CPNE7: variants seen among roughly 807,000 people sequenced by gnomAD.
CPNE7 encodes copine-7.
In CPNE7, 78 loss-of-function variants were observed where a neutral mutation model predicts 66.5. That is an observed-to-expected ratio of 1.17 (90% CI 0.98 to 1.42). CPNE7 has a LOEUF of 1.42. CPNE7 is among the 40% of genes most tolerant of loss of function. CPNE7 has a pLI of 0.00. For missense variants in CPNE7, 1,012 were observed against 776.6 expected (o/e 1.30, Z -3.60); for synonymous variants, 468 against 336.7 (o/e 1.39, Z -4.27).
In CPNE7 at chr16:89,591,108, C is replaced by A. The variant is rs370866971; in HGVS notation, c.1169-19C>A. The A allele has an allele frequency of 2.8e-4, 450 of 1,612,846 alleles. No homozygotes were observed. Among genetic ancestry groups the A allele is most frequent in the Non-Finnish European group, 3.7e-4 (442 of 1,179,746 alleles). On this transcript the variant is annotated intron_variant, in intron 12 of 14. Transcript: ENST00000319518. ...GAGGGGAGTGCAGGGGGGCCGGGCTCACCCCCTGCCCCCCACAGGCATCCA... is the reference window on the plus strand; with the variant it reads ...GAGGGGAGTGCAGGGGGGCCGGGCTAACCCCCTGCCCCCCACAGGCATCCA...
At chr16:89,583,474 T>C in intron 2 of CPNE7, 1 of 1,551,610 alleles carries the variant, frequency 6.4e-7, no homozygotes, top group Non-Finnish European at 8.7e-7. Flanking sequence ...CCTGGGCGAC[T>C]GCTGGCGCCG....
chr16:89,581,120 T>C (rs1212898047), intron 2 of CPNE7, among the ~76,000 whole-genome samples: 2 of 130,002 alleles, frequency 1.5e-5, no homozygotes, highest in African/African-American at 6.1e-5. Flanking sequence ...ATCTCACCAA[T>C]CACACAGAAC....
intron 2 of CPNE7, among the ~76,000 whole-genome samples, chr16:89,578,285 G>C (rs999973783): frequency 6.6e-6 from 1 of 151,606 alleles, no homozygotes; most frequent in Non-Finnish European, 1.5e-5. Flanking sequence ...GGCTGCTCTT[G>C]AAATCCTGAC....
intron 13 of CPNE7, among the ~76,000 whole-genome samples, chr16:89,592,218 G>A (rs1366508924): frequency 2.0e-5 from 3 of 146,658 alleles, no homozygotes; most frequent in African/African-American, 7.6e-5. Context: ...GTTTCACCGT[G>A]TTAGCGAGGA....
At chr16:89,577,807 G>T (rs1198872306) in intron 2 of CPNE7, 86 bp downstream of exon 2, 1 of 1,427,222 alleles carries the variant, frequency 7.0e-7, no homozygotes, top group Non-Finnish European at 9.4e-7. Flanking sequence ...GCACCGCAGG[G>T]ACCCTGCTGG....
At chr16:89,591,920 CA>C (rs1487739714) in intron 13 of CPNE7, among the ~76,000 whole-genome samples, 2 of 151,834 alleles carry the variant, frequency 1.3e-5, no homozygotes, top group African/African-American at 4.9e-5. Context: ...AAGCTGGTCT[CA>C]AACTCCTGAC....
chr16:89,585,691 T>C lies in CPNE7; in HGVS notation c.686T>C (p.Leu229Pro). The change falls in exon 7 of 15, where the codon CTG becomes CCG. Residue 229 changes from leucine (L) to proline (P), a missense_variant. By Grantham distance (98) the Leu-to-Pro change is moderately conservative. Coordinates refer to ENST00000319518, the MANE Select transcript of CPNE7 (RefSeq NM_153636.3). ...GAGGAGGACTGGGCTCCCCAGTGCC[T>C]GGTCTGGGATTACGACTCTCGAGGA... The part of the protein sequence containing the change: ...SCEETRPLKC[L>P]VWDYDSRGKH... 1 of 1,552,212 alleles carries C rather than the reference T, an allele frequency of 6.4e-7. No individual in the cohort carries two copies. The highest frequency in any genetic ancestry group is 8.7e-7 in the Non-Finnish European group (1 of 1,147,620).
rs369107618 is a variant in CPNE7 at position 89,577,561 on chromosome 16, G to A, written c.197G>A (p.Arg66Gln). ...WVQVGRTEVV[R>Q]SSLHPVFSKV... ...CAGGTGGGCAGAACCGAGGTGGTCC[G>A]GAGCAGCCTGCATCCCGTGTTCTCC... The change falls in exon 2 of 15, where the codon CGG becomes CAG. Residue 66 changes from arginine to glutamine, a missense_variant. Arg to Gln is a conservative substitution (Grantham distance 43). Coordinates refer to ENST00000319518, the MANE Select transcript of CPNE7 (RefSeq NM_153636.3). 6.8e-5 allele frequency: 106 copies of A among 1,551,818 alleles called. No homozygotes were observed. The highest frequency in any genetic ancestry group is 3.3e-4 in the Middle Eastern group (2 of 5,992).
intron 10 of CPNE7, 110 bp downstream of exon 10, chr16:89,588,918 G>T: frequency 7.2e-7 from 1 of 1,397,680 alleles, no homozygotes; most frequent in Non-Finnish European, 9.8e-7. Flanking sequence ...TATGACAGGT[G>T]CACCCGGCCG....
Position 89,585,734 on chromosome 16 carries a change from A to C in CPNE7, c.729A>C (p.Gly243=). The C allele has an allele frequency of 2.0e-6, 3 of 1,538,042 alleles. No homozygotes were observed. The highest frequency in any genetic ancestry group is 2.6e-6 in the Non-Finnish European group (3 of 1,140,720). Residue 243 remains glycine (G), a synonymous_variant, in exon 7 of 15, where the codon GGA becomes GGC. Coordinates refer to ENST00000319518, the MANE Select transcript of CPNE7 (RefSeq NM_153636.3). ...CTCGAGGAAAGCACGACTTCATCGGAGAATTCTCTACCACCTTCGAGGAGA... is the reference window on the plus strand; with the variant it reads ...CTCGAGGAAAGCACGACTTCATCGGCGAATTCTCTACCACCTTCGAGGAGA... ...YDSRGKHDFI[G]EFSTTFEEMQ...
Position 89,594,777 on chromosome 16 carries a change from G to A in CPNE7, c.1303-590G>A, listed in dbSNP as rs558287394. Among the ~76,000 whole-genome samples the A allele has an allele frequency of 2.7e-5, 4 of 148,068 alleles. No homozygotes were observed. In the East Asian group the frequency reaches 6.3e-4, roughly 23 times the overall value. ...AGCGATTCTCATGCCTCAGCCTCCC[G>A]AATAGCTGGGATTACAGGCGCCCAC... is the stretch of plus-strand genomic sequence containing the variant. On this transcript the variant is annotated intron_variant, in intron 13 of 14. Coordinates refer to ENST00000319518, the MANE Select transcript of CPNE7 (RefSeq NM_153636.3).
intron 10 of CPNE7, among the ~76,000 whole-genome samples, chr16:89,589,637 G>A (rs956218584): frequency 2.0e-5 from 3 of 152,178 alleles, no homozygotes; most frequent in African/African-American, 4.8e-5. Flanking sequence ...CCGGGGAGGC[G>A]TCTGCAGGGG....
intron 10 of CPNE7, among the ~76,000 whole-genome samples, chr16:89,589,298 A>G (rs2059134464): frequency 1.3e-5 from 2 of 152,164 alleles, no homozygotes; most frequent in Admixed American, 1.3e-4. Context: ...TCTCAAAAAA[A>G]AGAGACTCTG....
intron 7 of CPNE7, 112 bp from the exon 8 acceptor site, chr16:89,586,558 T>A: frequency 1.3e-5 from 10 of 752,528 alleles, no homozygotes; most frequent in East Asian, 2.8e-5. Flanking sequence ...TCCCCTCCCC[T>A]CCCCACCACG....
Position 89,588,708 on chromosome 16 carries a change from C to T in CPNE7, c.961C>T (p.Pro321Ser), listed in dbSNP as rs748554175. 14 of 1,613,326 alleles carry T rather than the reference C, an allele frequency of 8.7e-6. No individual in the cohort carries two copies. In the Admixed American group the frequency reaches 1.0e-4, roughly 12 times the overall value. Residue 321 changes from proline (P) to serine (S), a missense_variant, in exon 10 of 15, where the codon CCG becomes TCG. Coordinates refer to ENST00000319518, the MANE Select transcript of CPNE7 (RefSeq NM_153636.3). ...TGACTTCACCGCCTCCAATGGAGAC[C>T]CGCGGAACAGCTGCTCCCTGCACTA... Reference protein sequence around the residue: ...AIDFTASNGDPRNSCSLHYIN... With the variant: ...AIDFTASNGDSRNSCSLHYIN...
At chr16:89,583,035 A>C (rs2151434330) in intron 2 of CPNE7, among the ~76,000 whole-genome samples, 1 of 152,274 alleles carries the variant, frequency 6.6e-6, no homozygotes, top group East Asian at 1.9e-4. Context: ...CACCCACCCC[A>C]GGTGGGCTCA....
intron 13 of CPNE7, 76 bp from the exon 14 acceptor site, chr16:89,595,290 CT>C: frequency 7.9e-7 from 1 of 1,266,526 alleles, no homozygotes; most frequent in Non-Finnish European, 1.1e-6. Flanking sequence ...TCTGGGCTGT[CT>C]GGGGGCCCGT....
At chr16:89,577,453 G>A (rs773840851) in intron 1 of CPNE7, 86 bp from the exon 2 acceptor site, 77 of 1,361,038 alleles carry the variant, frequency 5.7e-5, no homozygotes, top group South Asian at 9.3e-5. Flanking sequence ...GTACCTGGGC[G>A]TGGGTGAGCG....
chr16:89,582,973 G>C (rs948969815), intron 2 of CPNE7, among the ~76,000 whole-genome samples: 1 of 152,248 alleles, frequency 6.6e-6, no homozygotes, highest in African/African-American at 2.4e-5. Flanking sequence ...CCCCCGTCCT[G>C]CTCCTCACTG....
Sources: gnomAD v4.1 joint callset for allele counts (sites outside exome capture counted in the v4.1 genomes callset) on GRCh38, gnomAD v4.1.1 for gene constraint, MANE v1.5 for transcripts, NCBI Gene and HGNC (gene_info 2026-07-23, HGNC 2026-07-21) for gene names.